C9orf85: variants seen among roughly 807,000 people sequenced by gnomAD.
C9orf85 encodes chromosome 9 open reading frame 85.
Under a neutral mutation model 14.9 loss-of-function variants are expected in C9orf85, and 16 were observed. That is an observed-to-expected ratio of 1.08 (90% CI 0.73 to 1.63). The LOEUF (loss-of-function observed/expected upper bound fraction) is 1.63, where lower values mean the gene tolerates loss of function less well. C9orf85 is among the 40% of genes most tolerant of loss of function. C9orf85 has a pLI of 0.00. For missense variants in C9orf85, 172 were observed against 186.1 expected (o/e 0.92, Z 0.44); for synonymous variants, 45 against 56.8 (o/e 0.79, Z 0.93).
At chr9:71,940,254 A>T (rs984778535) in intron 1 of C9orf85, among the ~76,000 whole-genome samples, 2 of 152,150 alleles carry the variant, frequency 1.3e-5, no homozygotes, top group African/African-American at 4.8e-5. Context: ...AAAAGATTTG[A>T]ATAGACACTT....
At chr9:71,980,464 G>A (rs188388480) in intron 3 of C9orf85, among the ~76,000 whole-genome samples, 2 of 152,250 alleles carry the variant, frequency 1.3e-5, no homozygotes. Context: ...AGAAAAGATG[G>A]TCTAGAACAG....
intron 2 of C9orf85, among the ~76,000 whole-genome samples, chr9:71,965,732 C>G (rs1822673754): frequency 6.6e-6 from 1 of 152,130 alleles, no homozygotes; most frequent in Non-Finnish European, 1.5e-5. Context: ...TGTGCCCACC[C>G]AATAGTAGTA....
chr9:71,912,329 T>G (rs1429506870), intron 1 of C9orf85, among the ~76,000 whole-genome samples: 1 of 152,198 alleles, frequency 6.6e-6, no homozygotes, highest in African/African-American at 2.4e-5. Flanking sequence ...GTTTTGAAGA[T>G]AAAAATATTT....
intron 1 of C9orf85, among the ~76,000 whole-genome samples, chr9:71,925,182 G>T (rs899636715): frequency 6.6e-6 from 1 of 152,150 alleles, no homozygotes; most frequent in African/African-American, 2.4e-5. Flanking sequence ...TTTAACTGAG[G>T]TATTTTTCTA....
chr9:71,972,996 T>C lies in C9orf85; in HGVS notation c.*154T>C. ...CCATCTCCACTAAAAGTACAAAAAA[T>C]TAGCTGGGCGTGGTGGCTCATGCCT... On this transcript the variant is annotated 3_prime_UTR_variant, in exon 4 of 4. Coordinates refer to ENST00000334731, the MANE Select transcript of C9orf85 (RefSeq NM_182505.5). 2.4e-6 allele frequency: 1 copy of C among 425,408 alleles called. No individual in the cohort carries two copies. The highest frequency in any genetic ancestry group is 3.4e-5 in the South Asian group (1 of 29,798). 26.4% of individuals were successfully genotyped at this position (425,408 alleles called of 1,614,324 possible).
At chr9:71,920,428 C>T (rs997646446) in intron 1 of C9orf85, among the ~76,000 whole-genome samples, 2 of 152,186 alleles carry the variant, frequency 1.3e-5, no homozygotes, top group Non-Finnish European at 2.9e-5. Flanking sequence ...ATTCTTCATT[C>T]AGGTAAATTC....
chr9:71,939,870 T>C (rs1242093179), intron 1 of C9orf85, among the ~76,000 whole-genome samples: 1 of 152,188 alleles, frequency 6.6e-6, no homozygotes, highest in Non-Finnish European at 1.5e-5. Context: ...ATTGTACATC[T>C]GTATATAATT....
chr9:71,923,640 T>A (rs1181516174), intron 1 of C9orf85, among the ~76,000 whole-genome samples: 1 of 152,216 alleles, frequency 6.6e-6, no homozygotes, highest in Non-Finnish European at 1.5e-5. Context: ...CCCAGCTCCC[T>A]TGTCCATCTT....
At chr9:71,937,475 G>A (rs1828218738) in intron 1 of C9orf85, among the ~76,000 whole-genome samples, 1 of 152,204 alleles carries the variant, frequency 6.6e-6, no homozygotes. Context: ...GGATAAAAAT[G>A]TGATTGTTCA....
chr9:71,960,703 T>C (rs776771294), intron 2 of C9orf85, among the ~76,000 whole-genome samples: 3 of 151,864 alleles, frequency 2.0e-5, no homozygotes, highest in Non-Finnish European at 2.9e-5. Context: ...CCTGCCACCA[T>C]GCCTGGCTAA....
At position 71,942,828 on chromosome 9, in the gene C9orf85, G is replaced by C. The variant is rs191809877; in HGVS notation, c.103-4178G>C. ...TGAGGTAGGAGAATCACTTGAACCT[G>C]GGAGACAGAGGTTGCAGTGAGCCAA... On this transcript the variant is annotated intron_variant, in intron 1 of 3. Transcript: ENST00000334731. 4.1e-3 allele frequency among the ~76,000 whole-genome samples: 627 copies of C among 151,690 alleles called. 3 individuals are homozygous for C. Among genetic ancestry groups the C allele is most frequent in the African/African-American group, 0.014 (578 of 41,316 alleles).
At chr9:71,933,830 CTT>C (rs1828127411) in intron 1 of C9orf85, among the ~76,000 whole-genome samples, 1 of 152,126 alleles carries the variant, frequency 6.6e-6, no homozygotes, top group Admixed American at 6.5e-5. Flanking sequence ...TTTGAAGAGC[CTT>C]CAGAAGGTCA....
chr9:71,974,966 G>A (rs939086307), downstream of C9orf85, among the ~76,000 whole-genome samples: 1 of 152,200 alleles, frequency 6.6e-6, no homozygotes, highest in Non-Finnish European at 1.5e-5. Context: ...AATTTAAGTG[G>A]AATGTTATTT....
chr9:71,975,451 A>C (rs1822982346), downstream of C9orf85, among the ~76,000 whole-genome samples: 4 of 151,920 alleles, frequency 2.6e-5, no homozygotes, highest in South Asian at 2.1e-4. Flanking sequence ...CAAAAAAAAA[A>C]AAAAAACGTG....
At chr9:71,971,703 G>A (rs1028391651) in intron 3 of C9orf85, 85 bp downstream of exon 3, 1 of 917,578 alleles carries the variant, frequency 1.1e-6, no homozygotes, top group Non-Finnish European at 1.7e-6. Context: ...GCTAGGCGCA[G>A]TGGCTCACGC....
At chr9:71,976,523 G>A (rs896305554), downstream of C9orf85, among the ~76,000 whole-genome samples, 10 of 152,034 alleles carry the variant, frequency 6.6e-5, no homozygotes, top group Admixed American at 4.6e-4. Context: ...TTAGCCGGGC[G>A]TGGTGGCGGG....
rs1023182632 is a variant in C9orf85 at position 71,959,195 on chromosome 9, T to G, written c.209+12083T>G. 2.6e-5 allele frequency among the ~76,000 whole-genome samples: 4 copies of G among 152,124 alleles called. No individual in the cohort carries two copies. In the South Asian group the frequency reaches 8.3e-4, roughly 32 times the overall value. ...TCTTATTGCCCAGGCTGGAGTACAA[T>G]GGCACGATCTCGGCTCACTGCAACC... On this transcript the variant is annotated intron_variant, in intron 2 of 3. Coordinates refer to ENST00000334731, the MANE Select transcript of C9orf85 (RefSeq NM_182505.5).
At chr9:71,985,777 A>G (rs528156343), downstream of C9orf85, 5 of 152,350 alleles carry the variant, frequency 3.3e-5, no homozygotes, top group East Asian at 1.9e-4. Context: ...CCGTAAATGC[A>G]TACCTCTAGA....
chr9:71,973,311 A>G lies in C9orf85; in HGVS notation c.*469A>G, dbSNP rs1034194257. On this transcript the variant is annotated 3_prime_UTR_variant, in exon 4 of 4. Coordinates refer to ENST00000334731, the MANE Select transcript of C9orf85 (RefSeq NM_182505.5). ...CAATATAAATTGTGTATATTACTTA[A>G]CATCAAACTAAACAAGATTCAGAAT... 2 of 152,200 alleles carry G rather than the reference A, an allele frequency of 1.3e-5. No individual in the cohort carries two copies. Among genetic ancestry groups the G allele is most frequent in the African/African-American group, 2.4e-5 (1 of 41,458 alleles). 9.4% of individuals were successfully genotyped at this position (152,200 alleles called of 1,614,324 possible). A position where few individuals can be genotyped will look rare whatever the true frequency, so the allele number is the denominator to read the frequency against.
Sources: allele counts gnomAD v4.1 joint callset (sites outside exome capture counted in the v4.1 genomes callset), GRCh38; gene constraint gnomAD v4.1.1; transcripts MANE v1.5; gene names NCBI Gene and HGNC (gene_info 2026-07-23, HGNC 2026-07-21).